DCDC1: variants seen among roughly 807,000 people sequenced by gnomAD.
DCDC1 encodes doublecortin domain containing 1.
Under a neutral mutation model 178.3 loss-of-function variants are expected in DCDC1, and 200 were observed. The observed-to-expected ratio is 1.12, with a 90% CI of 1.00 to 1.26. The LOEUF (loss-of-function observed/expected upper bound fraction) is 1.26, where lower values mean the gene tolerates loss of function less well. DCDC1 is among the 50% of genes most tolerant of loss of function. DCDC1 has a pLI of 0.00. For synonymous variants in DCDC1, 690 were observed against 604.8 expected, an observed-to-expected ratio of 1.14 and a Z score of -2.07; for missense variants, 1,983 against 1,749.2, an observed-to-expected ratio of 1.13 and a Z score of -2.38.
intron 9 of DCDC1, among the ~76,000 whole-genome samples, chr11:31,224,468 T>A (rs1268454575): frequency 1.3e-5 from 2 of 151,912 alleles, no homozygotes; most frequent in Non-Finnish European, 2.9e-5. Flanking sequence ...AATTCATGAC[T>A]AAGAACCCAA....
intron 1 of DCDC1, among the ~76,000 whole-genome samples, chr11:31,342,601 T>G (rs1950605263): frequency 6.6e-6 from 1 of 152,198 alleles, no homozygotes; most frequent in South Asian, 2.1e-4. Context: ...CTTAAATATT[T>G]CATGATAGGA....
At chr11:31,092,050 A>G (rs971660827) in intron 16 of DCDC1, among the ~76,000 whole-genome samples, 1 of 152,186 alleles carries the variant, frequency 6.6e-6, no homozygotes, top group Non-Finnish European at 1.5e-5. Flanking sequence ...TTGAAGGGCC[A>G]TTTAACCATT....
chr11:31,210,755 A>C, intron 9 of DCDC1, among the ~76,000 whole-genome samples: 1 of 151,944 alleles, frequency 6.6e-6, no homozygotes. Context: ...AGAAAAAAGA[A>C]GCAAAAGAGA....
chr11:31,322,437 C>T (rs1395750897), intron 3 of DCDC1, among the ~76,000 whole-genome samples: 7 of 152,112 alleles, frequency 4.6e-5, no homozygotes, highest in Non-Finnish European at 8.8e-5. Flanking sequence ...CTACGATCAG[C>T]TCCAGTGAGT....
intron 30 of DCDC1, among the ~76,000 whole-genome samples, chr11:30,905,845 G>A (rs1205151963): frequency 6.6e-6 from 1 of 152,140 alleles, no homozygotes; most frequent in African/African-American, 2.4e-5. Context: ...TAACCGCAAT[G>A]CATATCAGGA....
chr11:31,299,862 T>G (rs76174593), intron 6 of DCDC1, among the ~76,000 whole-genome samples: 8,898 of 152,154 alleles, frequency 0.058, 360 homozygotes, highest in East Asian at 0.24. Flanking sequence ...TATTTTTTAT[T>G]TATTTATTTT....
rs1950609838 is a variant in DCDC1 at position 31,342,720 on chromosome 11, T to C, written c.-124-7156A>G. Among the ~76,000 whole-genome samples, 6 of 152,092 alleles carry C rather than the reference T, an allele frequency of 3.9e-5. No individual in the cohort carries two copies. The South Asian group carries it at 1.2e-3, about 32-fold the overall frequency. On this transcript the variant is annotated intron_variant, in intron 1 of 38. Transcript: ENST00000684477. ...TTATAAGCAAAAATCCAGCTGTGCA[T>C]AGCAAGGCAAAAGTATATGATTAAA...
chr11:30,872,374 C>G (rs1046512414), intron 38 of DCDC1, among the ~76,000 whole-genome samples: 7 of 152,132 alleles, frequency 4.6e-5, no homozygotes, highest in African/African-American at 1.7e-4. Flanking sequence ...GACCTTAGAA[C>G]AGTAACAAAG....
chr11:31,140,473 G>T (rs1430740009), intron 9 of DCDC1, among the ~76,000 whole-genome samples: 2 of 152,066 alleles, frequency 1.3e-5, no homozygotes, highest in African/African-American at 4.8e-5. Context: ...TAAACAGGAA[G>T]GTTTCATTCA....
chr11:31,216,398 A>C (rs976342761), intron 9 of DCDC1, among the ~76,000 whole-genome samples: 1 of 152,160 alleles, frequency 6.6e-6, no homozygotes, highest in South Asian at 2.1e-4. Flanking sequence ...GAATCCATGA[A>C]GGTGCTGAGA....
At position 31,290,642 on chromosome 11, in the gene DCDC1, A is replaced by C. The variant is rs765205939; in HGVS notation, c.960+5T>G. 1 of 1,597,360 alleles carries C rather than the reference A, an allele frequency of 6.3e-7. No individual in the cohort carries two copies. Among genetic ancestry groups the C allele is most frequent in the South Asian group, 1.2e-5 (1 of 86,752 alleles). On this transcript the variant is annotated splice_donor_5th_base_variant and intron_variant, in intron 7 of 38. Transcript: ENST00000684477. ...TTCATAGTTCAATATTTAATTAAAA[A>C]TTACCTTTTTCATTGTTTCTTTTCC... is the stretch of plus-strand genomic sequence containing the variant.
chr11:30,879,317 T>C (rs915184818), intron 37 of DCDC1, among the ~76,000 whole-genome samples: 8 of 152,212 alleles, frequency 5.3e-5, no homozygotes, highest in African/African-American at 1.9e-4. Flanking sequence ...TAAATGTCCC[T>C]TAATGGGTAT....
rs1565023304 is a variant in DCDC1, at chr11:30,884,032, C to CTTTTTTTTTTTTTTT, written c.5083-2725_5083-2724insAAAAAAAAAAAAAAA. ...AAAAGAAAACCAAAGCATTCTTTCTCATTTTTTTTTTTTTTTGAGACAGGG... is the reference window on the plus strand; with the variant it reads ...AAAAGAAAACCAAAGCATTCTTTCTCTTTTTTTTTTTTTTTATTTTTTTTTTTTTTTGAGACAGGG... On this transcript the variant is annotated intron_variant, in intron 36 of 38. Transcript: ENST00000684477. Among the ~76,000 whole-genome samples the CTTTTTTTTTTTTTTT allele has an allele frequency of 4.0e-4, 19 of 47,892 alleles. 1 individual carries two copies. Among genetic ancestry groups the CTTTTTTTTTTTTTTT allele is most frequent in the Non-Finnish European group, 3.5e-4 (9 of 25,592 alleles). The allele number at this position is 47,892 out of a possible 152,430, so 31.4% of individuals were successfully genotyped here.
At chr11:31,115,415 G>A (rs775900402) in intron 11 of DCDC1, among the ~76,000 whole-genome samples, 28 of 152,238 alleles carry the variant, frequency 1.8e-4, no homozygotes, top group Middle Eastern at 6.8e-3. Context: ...TCTTCTGTGC[G>A]TGAGCAGAAG....
intron 34 of DCDC1, among the ~76,000 whole-genome samples, chr11:30,896,585 A>G (rs537394072): frequency 6.6e-6 from 1 of 152,294 alleles, no homozygotes; most frequent in East Asian, 1.9e-4. Flanking sequence ...TAGCAGACTT[A>G]TTTCGCTTTC....
chr11:31,208,903 C>T (rs1006154595), intron 9 of DCDC1, among the ~76,000 whole-genome samples: 2 of 152,218 alleles, frequency 1.3e-5, no homozygotes, highest in African/African-American at 4.8e-5. Context: ...TGTCCTATTT[C>T]ATGTTCTTGA....
chr11:31,307,573 T>G, intron 4 of DCDC1, 66 bp downstream of exon 4: 1 of 1,570,838 alleles, frequency 6.4e-7, no homozygotes, highest in Non-Finnish European at 8.7e-7. Flanking sequence ...TGAAACATTA[T>G]AAACTCTGCT....
chr11:30,923,113 C>T (rs1047431334), intron 23 of DCDC1, among the ~76,000 whole-genome samples: 1 of 152,158 alleles, frequency 6.6e-6, no homozygotes, highest in African/African-American at 2.4e-5. Context: ...CGAACTATCC[C>T]TAAAACCCAA....
At chr11:31,079,734 G>T (rs1957068813) in intron 17 of DCDC1, among the ~76,000 whole-genome samples, 1 of 152,080 alleles carries the variant, frequency 6.6e-6, no homozygotes, top group Admixed American at 6.5e-5. Flanking sequence ...GAAGTGAAGT[G>T]TATGAAGTAG....
Sources: allele counts gnomAD v4.1 joint callset (sites outside exome capture counted in the v4.1 genomes callset), GRCh38; gene constraint gnomAD v4.1.1; transcripts MANE v1.5; gene names NCBI Gene and HGNC (gene_info 2026-07-23, HGNC 2026-07-21).